ADCY8: variants seen among roughly 807,000 people sequenced by gnomAD.
The protein encoded by ADCY8 is adenylate cyclase type 8.
In ADCY8, 51 loss-of-function variants were observed where a neutral mutation model predicts 119.7. That is an observed-to-expected ratio of 0.43 (90% CI 0.34 to 0.54). The LOEUF (loss-of-function observed/expected upper bound fraction) is 0.54. Among genes scored for constraint, ADCY8 ranks in the 20% least tolerant of loss-of-function variants. The pLI is 0.03. For synonymous variants in ADCY8, 665 were observed against 651.0 expected (o/e 1.02, Z -0.33); for missense variants, 1,383 against 1,598.8 (o/e 0.87, Z 2.30).
chr8:130,989,579 T>C (rs1822511963), intron 2 of ADCY8, among the ~76,000 whole-genome samples: 1 of 152,168 alleles, frequency 6.6e-6, no homozygotes, highest in East Asian at 1.9e-4. Context: ...CAAGAGCATA[T>C]ATACTTAGGA....
chr8:130,807,395 A>G (rs73716266), intron 14 of ADCY8, among the ~76,000 whole-genome samples: 1,867 of 152,306 alleles, frequency 0.012, 29 homozygotes, highest in African/African-American at 0.043. Flanking sequence ...TGTGTCCCCC[A>G]AATTCATATG....
chr8:131,007,020 C>G (rs898232961), intron 1 of ADCY8, among the ~76,000 whole-genome samples: 5 of 151,788 alleles, frequency 3.3e-5, no homozygotes, highest in African/African-American at 1.2e-4. Flanking sequence ...AGATAAAATC[C>G]CAAATGAAGA....
intron 13 of ADCY8, 69 bp from the exon 14 acceptor site, chr8:130,814,296 A>C (rs926284045): frequency 2.0e-6 from 3 of 1,536,056 alleles, no homozygotes; most frequent in Non-Finnish European, 2.7e-6. Context: ...GGCACAGACA[A>C]CTGGGAGGCA....
intron 2 of ADCY8, among the ~76,000 whole-genome samples, chr8:130,952,227 G>A (rs1443264993): frequency 6.6e-6 from 1 of 152,182 alleles, no homozygotes; most frequent in African/African-American, 2.4e-5. Context: ...TCTGACTCTG[G>A]TGGAGCTTAC....
intron 9 of ADCY8, among the ~76,000 whole-genome samples, chr8:130,864,636 C>G (rs1156571376): frequency 6.6e-6 from 1 of 152,072 alleles, no homozygotes; most frequent in Non-Finnish European, 1.5e-5. Context: ...CCTTTCTGAG[C>G]CTACTATTGA....
At chr8:130,999,415 G>A (rs1286703935) in intron 1 of ADCY8, among the ~76,000 whole-genome samples, 1 of 152,120 alleles carries the variant, frequency 6.6e-6, no homozygotes. Flanking sequence ...GCTGTTTGAT[G>A]CCAGGGAGTT....
intron 9 of ADCY8, among the ~76,000 whole-genome samples, chr8:130,850,224 T>G (rs1385420412): frequency 6.6e-6 from 1 of 152,178 alleles, no homozygotes; most frequent in Non-Finnish European, 1.5e-5. Flanking sequence ...GGATTTGGCA[T>G]TGGTTTTAAG....
chr8:131,034,193 T>C (rs1824079251), intron 1 of ADCY8, among the ~76,000 whole-genome samples: 1 of 152,134 alleles, frequency 6.6e-6, no homozygotes, highest in African/African-American at 2.4e-5. Flanking sequence ...GTACATTAAG[T>C]AGTCACAGGA....
chr8:130,813,148 C>T (rs1816223770), intron 14 of ADCY8, among the ~76,000 whole-genome samples: 1 of 152,070 alleles, frequency 6.6e-6, no homozygotes, highest in South Asian at 2.1e-4. Flanking sequence ...GGGGTTTCAC[C>T]ATCTTGGCCA....
chr8:130,891,489 A>G (rs1169019358), intron 7 of ADCY8, among the ~76,000 whole-genome samples: 1 of 152,188 alleles, frequency 6.6e-6, no homozygotes, highest in Non-Finnish European at 1.5e-5. Flanking sequence ...ATGTTGTACA[A>G]TGATTAGATT....
At chr8:130,985,008 G>A (rs1029692077) in intron 2 of ADCY8, among the ~76,000 whole-genome samples, 8 of 152,142 alleles carry the variant, frequency 5.3e-5, no homozygotes, top group African/African-American at 1.9e-4. Context: ...TCAAGGAGAG[G>A]CCCTTGAAGG....
chr8:131,023,440 C>A (rs1823735421), intron 1 of ADCY8, among the ~76,000 whole-genome samples: 1 of 152,086 alleles, frequency 6.6e-6, no homozygotes, highest in African/African-American at 2.4e-5. Flanking sequence ...TTGGCAGTGC[C>A]TTGGTAGGTC....
chr8:130,859,496 T>A (rs1171251701), intron 9 of ADCY8, among the ~76,000 whole-genome samples: 2 of 152,198 alleles, frequency 1.3e-5, no homozygotes, highest in African/African-American at 4.8e-5. Flanking sequence ...TCTCTTGCCT[T>A]TAATCCTACA....
At chr8:130,912,165 C>T (rs980573013) in intron 5 of ADCY8, among the ~76,000 whole-genome samples, 1 of 152,172 alleles carries the variant, frequency 6.6e-6, no homozygotes, top group Non-Finnish European at 1.5e-5. Flanking sequence ...ACTATGTACC[C>T]TTCCCTGTGT....
chr8:131,006,870 G>A (rs538785467), intron 1 of ADCY8, among the ~76,000 whole-genome samples: 1 of 152,122 alleles, frequency 6.6e-6, no homozygotes, highest in Non-Finnish European at 1.5e-5. Flanking sequence ...TTCCATGGAG[G>A]CTTTGTTCTC....
At chr8:130,927,210 G>A (rs1452193165) in intron 5 of ADCY8, among the ~76,000 whole-genome samples, 3 of 152,016 alleles carry the variant, frequency 2.0e-5, no homozygotes, top group African/African-American at 2.4e-5. Context: ...CATTTCCACC[G>A]GCAGTGTTCA....
chr8:130,899,648 T>C (rs1342763344), intron 7 of ADCY8, among the ~76,000 whole-genome samples: 1 of 151,788 alleles, frequency 6.6e-6, no homozygotes, highest in Non-Finnish European at 1.5e-5. Flanking sequence ...CATAAGCTCC[T>C]GGAGGACAGG....
intron 2 of ADCY8, among the ~76,000 whole-genome samples, chr8:130,979,809 G>A (rs1182612048): frequency 6.6e-6 from 1 of 152,166 alleles, no homozygotes; most frequent in Non-Finnish European, 1.5e-5. Context: ...CTATATCAGA[G>A]CCAGTCACTG....
At chr8:130,790,416 T>C (rs916780419) in intron 15 of ADCY8, among the ~76,000 whole-genome samples, 9 of 152,124 alleles carry the variant, frequency 5.9e-5, no homozygotes, top group African/African-American at 2.2e-4. Flanking sequence ...TAGTACACAA[T>C]CCCATTATAA....
Sources: allele counts gnomAD v4.1 joint callset (sites outside exome capture counted in the v4.1 genomes callset), GRCh38; gene constraint gnomAD v4.1.1; transcripts MANE v1.5; gene names NCBI Gene and HGNC (gene_info 2026-07-23, HGNC 2026-07-21).